Variants in NPC1L1 observed in about 807,000 individuals in gnomAD.
The protein encoded by NPC1L1 is NPC1 like intracellular cholesterol transporter 1.
In NPC1L1, 98 loss-of-function variants were observed where a neutral mutation model predicts 117.0. That is an observed-to-expected ratio of 0.84 (90% CI 0.71 to 0.99). The LOEUF is 0.99. Among genes scored for constraint, NPC1L1 ranks in the 50% least tolerant of loss-of-function variants. The probability of loss-of-function intolerance (pLI) is 0.00; values close to 1 mark genes in which losing one functional copy is unlikely to be tolerated. For missense variants in NPC1L1, 1,540 were observed against 1,710.0 expected (o/e 0.90, Z 1.75); for synonymous variants, 729 against 727.6 (o/e 1.00, Z -0.03).
Position 44,517,199 on chromosome 7 carries a change from G to A in NPC1L1, c.3287+8C>T, listed in dbSNP as rs765050978. On this transcript the variant is annotated splice_region_variant and intron_variant, in intron 15 of 18. Coordinates refer to ENST00000381160, the MANE Select transcript of NPC1L1 (RefSeq NM_001101648.2). ...ACCTCCCTCCAGCCCAGCCACTCAG[G>A]TCCTCACGTGTAGGGGAAGACCTCA... The A allele has an allele frequency of 6.2e-7, 1 of 1,614,106 alleles. No individual in the cohort carries two copies. Among genetic ancestry groups the A allele is most frequent in the Middle Eastern group, 1.7e-4 (1 of 6,054 alleles).
At position 44,513,363 on chromosome 7, in the gene NPC1L1, C is replaced by T. The variant is rs760722175; in HGVS notation, c.*84G>A. 2.3e-5 allele frequency: 30 copies of T among 1,296,462 alleles called. No homozygotes were observed. Among genetic ancestry groups the T allele is most frequent in the South Asian group, 1.2e-4 (10 of 83,704 alleles). 80.3% of individuals were successfully genotyped at this position (1,296,462 alleles called of 1,614,324 possible). A position where few individuals can be genotyped will look rare whatever the true frequency, so the allele number is the denominator to read the frequency against. On this transcript the variant is annotated 3_prime_UTR_variant, in exon 19 of 19. Coordinates refer to ENST00000381160, the MANE Select transcript of NPC1L1 (RefSeq NM_001101648.2). ...GGCCTCCCCTAGGATTTGAGGAGGG[C>T]GTGTGTCAAGGGGCAGTCACAAGGA... is the stretch of plus-strand genomic sequence containing the variant.
chr7:44,521,906 A>G (rs1040279830), intron 11 of NPC1L1, 70 bp from the exon 12 acceptor site: 1 of 1,608,748 alleles, frequency 6.2e-7, no homozygotes, highest in Admixed American at 1.7e-5. Context: ...TCGTGGCCCA[A>G]CCCCCACGCA....
chr7:44,526,409 C>T (rs555733274), intron 10 of NPC1L1, among the ~76,000 whole-genome samples: 6 of 151,406 alleles, frequency 4.0e-5, no homozygotes, highest in South Asian at 2.1e-4. Flanking sequence ...ATTAGCCAGG[C>T]GTGGAGGCAT....
chr7:44,516,694 C>A lies in NPC1L1; in HGVS notation c.3519+9G>T. ...AGAGGCCCCCTGGTGCCTGTGTCTG[C>A]TGGGTTACCGAGACCAGGTTGATGA... On this transcript the variant is annotated intron_variant, in intron 16 of 18. Coordinates refer to ENST00000381160, the MANE Select transcript of NPC1L1 (RefSeq NM_001101648.2). 6.2e-7 allele frequency: 1 copy of A among 1,603,148 alleles called. No individual in the cohort carries two copies. The highest frequency in any genetic ancestry group is 1.7e-4 in the Middle Eastern group (1 of 6,048).
rs181408250 is a variant in NPC1L1 at position 44,514,666 on chromosome 7, T to C, written c.3797-1017A>G. On this transcript the variant is annotated intron_variant, in intron 18 of 18. Coordinates refer to ENST00000381160, the MANE Select transcript of NPC1L1 (RefSeq NM_001101648.2). Reference sequence around the variant, plus strand: ...CTGGGCAACAGAGAGAGACTCTGTCTAAAAATAATAAAAATAAAAATAATT... The same window carrying C: ...CTGGGCAACAGAGAGAGACTCTGTCCAAAAATAATAAAAATAAAAATAATT... 2.2e-3 allele frequency among the ~76,000 whole-genome samples: 325 copies of C among 150,720 alleles called. 2 individuals carry two copies. Among genetic ancestry groups the C allele is most frequent in the African/African-American group, 7.1e-3 (291 of 41,014 alleles).
At position 44,515,847 on chromosome 7, in the gene NPC1L1, A is replaced by G; in HGVS notation, c.3752T>C (p.Leu1251Pro). Residue 1251 changes from leucine (L) to proline (P), a missense_variant, in exon 18 of 19, where the codon CTG (leucine) becomes CCG (proline). Coordinates refer to ENST00000381160, the MANE Select transcript of NPC1L1 (RefSeq NM_001101648.2). Reference sequence around the variant, plus strand: ...GGGCAGGAAGACCAAGCCATGCAGCAGGCCCAGCAGAGTGATCAGGAGGTT... The same window carrying G: ...GGGCAGGAAGACCAAGCCATGCAGCGGGCCCAGCAGAGTGATCAGGAGGTT... Reference protein sequence around the residue: ...RLNLLITLLGLLHGLVFLPVI... With the variant: ...RLNLLITLLGPLHGLVFLPVI... 1.9e-6 allele frequency: 3 copies of G among 1,614,212 alleles called. No homozygotes were observed. The highest frequency in any genetic ancestry group is 2.5e-6 in the Non-Finnish European group (3 of 1,180,038).
rs762878287 is a variant in NPC1L1, at chr7:44,517,286, G to A, written c.3208C>T (p.Arg1070Ter). ...QDYTEALRAA[R>*]ELAANITADL... ...GCAGTGATGTTGGCTGCCAGCTCTCGAGCTGCCCGCAGAGCTTCTGTGTAA... is the reference window on the plus strand; with the variant it reads ...GCAGTGATGTTGGCTGCCAGCTCTCAAGCTGCCCGCAGAGCTTCTGTGTAA... The change falls in exon 15 of 19, where the codon CGA becomes TGA. Residue 1070 changes from arginine (R) to a stop codon, truncating the protein, a stop_gained. Coordinates refer to ENST00000381160, the MANE Select transcript of NPC1L1 (RefSeq NM_001101648.2). LOFTEE classifies it high-confidence loss of function. 2.4e-5 allele frequency: 39 copies of A among 1,614,056 alleles called. No homozygotes were observed. Among genetic ancestry groups the A allele is most frequent in the South Asian group, 5.5e-5 (5 of 91,088 alleles).
At chr7:44,526,546 C>CAAAAAAAAAAAAAAAAAAAAAAAA (rs372498105) in intron 10 of NPC1L1, among the ~76,000 whole-genome samples, 31 of 68,344 alleles carry the variant, frequency 4.5e-4, no homozygotes, top group African/African-American at 1.8e-3. Flanking sequence ...GACTCCATCT[C>CAAAAAAAAAAAAAAAAAAAAAAAA]AAAAAAAAAA....
chr7:44,535,738 T>C (rs1801863271), intron 5 of NPC1L1, 102 bp downstream of exon 5: 17 of 1,543,020 alleles, frequency 1.1e-5, no homozygotes, highest in Admixed American at 1.7e-5. Flanking sequence ...GTGTCCACTT[T>C]GCTGTTCTGA....
At chr7:44,535,396 G>A (rs775679295) in intron 5 of NPC1L1, among the ~76,000 whole-genome samples, 2 of 151,904 alleles carry the variant, frequency 1.3e-5, no homozygotes, top group Admixed American at 1.3e-4. Flanking sequence ...GGGCACAATG[G>A]CAAGTGCCTA....
At position 44,515,973 on chromosome 7, in the gene NPC1L1, G is replaced by A; in HGVS notation, c.3634-8C>T. The stretch of plus-strand genomic sequence containing the variant: ...GGCCACACCTGCAAACACCTGGGGG[G>A]TTCAGAGCCAGGTGTCAGGCAGGGC... On this transcript the variant is annotated splice_polypyrimidine_tract_variant and splice_region_variant and intron_variant, in intron 17 of 18. Transcript: ENST00000381160. The A allele has an allele frequency of 6.2e-7, 1 of 1,613,696 alleles. No individual in the cohort carries two copies. The highest frequency in any genetic ancestry group is 1.6e-4 in the Middle Eastern group (1 of 6,062).
chr7:44,520,279 C>A (rs966054143), intron 14 of NPC1L1, among the ~76,000 whole-genome samples: 8 of 149,358 alleles, frequency 5.4e-5, no homozygotes, highest in Non-Finnish European at 7.4e-5. Flanking sequence ...GACTCCGTCT[C>A]GAAAAAAAAA....
Position 44,522,962 on chromosome 7 carries a change from G to A in NPC1L1, c.2638-720C>T, listed in dbSNP as rs1042722874. On this transcript the variant is annotated intron_variant, in intron 10 of 18. Transcript: ENST00000381160. ...GTCTGCTCCCTTCTATAACATAAAG[G>A]CTCAGAGTGACATTAGGGAAAATGG... Among the ~76,000 whole-genome samples the A allele has an allele frequency of 5.3e-5, 8 of 152,190 alleles. No individual in the cohort carries two copies. The East Asian group carries it at 1.2e-3, about 22-fold the overall frequency.
chr7:44,524,963 GA>G (rs1234894983), intron 10 of NPC1L1, among the ~76,000 whole-genome samples: 2 of 151,810 alleles, frequency 1.3e-5, no homozygotes, highest in Non-Finnish European at 2.9e-5. Context: ...TCAGAAGAAA[GA>G]ATTAGCAAAC....
chr7:44,525,536 A>C (rs1167270413), intron 10 of NPC1L1, among the ~76,000 whole-genome samples: 1 of 152,136 alleles, frequency 6.6e-6, no homozygotes, highest in Non-Finnish European at 1.5e-5. Context: ...GATTACAGGC[A>C]TAAGCCACTG....
At chr7:44,516,374 T>A (rs1357250460) in intron 16 of NPC1L1, among the ~76,000 whole-genome samples, 177 bp from the exon 17 acceptor site, 2 of 151,868 alleles carry the variant, frequency 1.3e-5, no homozygotes, top group African/African-American at 4.8e-5. Flanking sequence ...GAGGCCGAGG[T>A]GAGAGGATCA....
At position 44,536,396 on chromosome 7, in the gene NPC1L1, T is replaced by C. The variant is rs370103388; in HGVS notation, c.1714A>G (p.Met572Val). 1.2e-6 allele frequency: 2 copies of C among 1,613,924 alleles called. No individual in the cohort carries two copies. Among genetic ancestry groups the C allele is most frequent in the East Asian group, 2.2e-5 (1 of 44,878 alleles). ...KDYSEAEALIMTFSLNNYPAG... is the reference protein window; with the variant it reads ...KDYSEAEALIVTFSLNNYPAG... ...GGGTAATTGTTGAGGGAGAACGTCATGATCAGGGCCTCTGCCTCAGAATAG... is the reference window on the plus strand; with the variant it reads ...GGGTAATTGTTGAGGGAGAACGTCACGATCAGGGCCTCTGCCTCAGAATAG... Residue 572 changes from methionine to valine, a missense_variant, in exon 4 of 19, where the codon ATG (methionine) becomes GTG (valine). Physicochemically the swap from Met to Val is conservative, Grantham distance 21. Around this residue, in one of 3 missense-constraint regions of NPC1L1, gnomAD observed 793 missense variants for 820.4 expected, o/e 0.97. Coordinates refer to ENST00000381160, the MANE Select transcript of NPC1L1 (RefSeq NM_001101648.2). The surrounding 1 kb of genome is among the most constrained non-coding windows in gnomAD (Gnocchi z 4.7).
chr7:44,528,902 C>A (rs912643723), intron 10 of NPC1L1, among the ~76,000 whole-genome samples: 1 of 151,612 alleles, frequency 6.6e-6, no homozygotes, highest in African/African-American at 2.4e-5. Context: ...AACCCTGTCT[C>A]TACAAAAAAT....
In NPC1L1 at chr7:44,515,843, C is replaced by T. The variant is rs1389840337; in HGVS notation, c.3756G>A (p.Leu1252=). ...TGACGGGCAGGAAGACCAAGCCATG[C>T]AGCAGGCCCAGCAGAGTGATCAGGA... ...LNLLITLLGL[L]HGLVFLPVIL... The change falls in exon 18 of 19, where the codon CTG becomes CTA. Residue 1252 remains leucine, a synonymous_variant. Coordinates refer to ENST00000381160, the MANE Select transcript of NPC1L1 (RefSeq NM_001101648.2). 1 of 1,614,182 alleles carries T rather than the reference C, an allele frequency of 6.2e-7. No individual in the cohort carries two copies. Among genetic ancestry groups the T allele is most frequent in the Non-Finnish European group, 8.5e-7 (1 of 1,180,024 alleles).
Sources: gnomAD v4.1 joint callset for allele counts (sites outside exome capture counted in the v4.1 genomes callset) on GRCh38, gnomAD v4.1.1 for gene constraint, gnomAD v4.1.1 regional missense constraint, Gnocchi (gnomAD v3.1) non-coding constraint, MANE v1.5 for transcripts, NCBI Gene and HGNC (gene_info 2026-07-23, HGNC 2026-07-21) for gene names.